The following TG variants were observed in gnomAD, a reference collection of about 807,000 sequenced individuals.
The protein encoded by TG is thyroglobulin, also known as thyroid hormones.
Under a neutral mutation model 324.7 loss-of-function variants are expected in TG, and 270 were observed. The ratio of observed to expected loss-of-function variants is 0.83; its 90% CI spans 0.75 to 0.92. TG has a LOEUF of 0.92. TG is among the 40% of genes least tolerant of loss of function. The pLI is 0.00. For missense variants in TG, 3,591 were observed against 3,456.4 expected (o/e 1.04, Z -0.98); for synonymous variants, 1,401 against 1,327.0 (o/e 1.06, Z -1.21).
At chr8:133,072,106 A>G (rs1436080712) in intron 41 of TG, among the ~76,000 whole-genome samples, 3 of 152,070 alleles carry the variant, frequency 2.0e-5, no homozygotes, top group African/African-American at 7.2e-5. Context: ...AAGTCTCCCA[A>G]CTTCACTCAC....
At chr8:133,020,080 T>G (rs1032014268) in intron 39 of TG, among the ~76,000 whole-genome samples, 7 of 152,136 alleles carry the variant, frequency 4.6e-5, no homozygotes, top group South Asian at 2.1e-4. Context: ...TGGAGAGAGA[T>G]ATATTTACCC....
At chr8:132,917,759 T>TG (rs35128090) in intron 20 of TG, among the ~76,000 whole-genome samples, 1 of 151,992 alleles carries the variant, frequency 6.6e-6, no homozygotes, top group Admixed American at 6.6e-5. Flanking sequence ...CTGTCAATGT[T>TG]GGGGGGTTTG....
chr8:132,988,598 G>A (rs528363310), intron 35 of TG: 6 of 513,328 alleles, frequency 1.2e-5, no homozygotes, highest in Middle Eastern at 9.9e-4. Flanking sequence ...TTATATCAAC[G>A]GTGTATAGTG....
chr8:132,869,200 C>T (rs1587155091), intron 2 of TG, among the ~76,000 whole-genome samples: 1 of 152,200 alleles, frequency 6.6e-6, no homozygotes, highest in East Asian at 1.9e-4. Flanking sequence ...GTTCCCTTTA[C>T]CTGGAATATC....
At chr8:132,904,855 C>T (rs1236955137) in intron 16 of TG, among the ~76,000 whole-genome samples, 1 of 152,184 alleles carries the variant, frequency 6.6e-6, no homozygotes, top group African/African-American at 2.4e-5. Flanking sequence ...CTCATTGACA[C>T]CCCACTTCTT....
At chr8:132,896,063 A>C (rs769321731) in intron 11 of TG, among the ~76,000 whole-genome samples, 2 of 152,248 alleles carry the variant, frequency 1.3e-5, no homozygotes, top group Non-Finnish European at 2.9e-5. Flanking sequence ...CTGAGGGCCT[A>C]ATGAGCGTGG....
intron 41 of TG, among the ~76,000 whole-genome samples, chr8:133,064,403 C>T (rs1842790905): frequency 6.6e-6 from 1 of 152,228 alleles, no homozygotes; most frequent in Non-Finnish European, 1.5e-5. Flanking sequence ...GTGAGGCAAT[C>T]TGCAGATATT....
At chr8:132,962,214 G>C (rs1320969777) in intron 28 of TG, among the ~76,000 whole-genome samples, 2 of 152,104 alleles carry the variant, frequency 1.3e-5, no homozygotes, top group African/African-American at 4.8e-5. Flanking sequence ...TCATTTTAAA[G>C]AGATAAAATG....
At chr8:132,882,437 C>T in intron 6 of TG, 32 bp from the exon 7 acceptor site, 1 of 1,613,942 alleles carries the variant, frequency 6.2e-7, no homozygotes, top group Non-Finnish European at 8.5e-7. Flanking sequence ...CTGAATGAGA[C>T]CATCTCTGAA....
At chr8:132,981,782 A>G (rs538865087) in intron 34 of TG, among the ~76,000 whole-genome samples, 180 of 152,258 alleles carry the variant, frequency 1.2e-3, no homozygotes, top group African/African-American at 4.1e-3. Flanking sequence ...AAGTCTGCCA[A>G]AGTTTGAGAT....
At chr8:132,925,516 C>CGTGCGTGTGTGTGTGTGTGT (rs1554670096) in intron 22 of TG, among the ~76,000 whole-genome samples, 3 of 144,732 alleles carry the variant, frequency 2.1e-5, no homozygotes, top group African/African-American at 7.7e-5. Context: ...CTAAGGAGTG[C>CGTGCGTGTGTGTGTGTGTGT]GTGTGTGTGT....
At position 132,886,513 on chromosome 8, in the gene TG, G is replaced by A; in HGVS notation, c.1141G>A (p.Gly381Ser). 6.2e-7 allele frequency: 1 copy of A among 1,614,160 alleles called. No homozygotes were observed. ...GTCCAGACTCTACTTTGGGACCTCA[G>A]GCTACTTCAGCCAGCACGACCTGTT... ...ALSRLYFGTS[G>S]YFSQHDLFSS... Residue 381 changes from glycine (G) to serine (S), a missense_variant, in exon 9 of 48, where the codon GGC becomes AGC. By Grantham distance (56) the Gly-to-Ser change is moderately conservative. Coordinates refer to ENST00000220616, the MANE Select transcript of TG (RefSeq NM_003235.5).
intron 40 of TG, among the ~76,000 whole-genome samples, chr8:133,023,549 T>C (rs893492609): frequency 7.2e-5 from 11 of 152,182 alleles, no homozygotes; most frequent in African/African-American, 2.7e-4. Context: ...TATTCACGTG[T>C]GAGTTTATTT....
intron 43 of TG, among the ~76,000 whole-genome samples, chr8:133,103,358 T>C (rs1849500501): frequency 6.6e-6 from 1 of 152,086 alleles, no homozygotes; most frequent in Non-Finnish European, 1.5e-5. Flanking sequence ...CCTTGCACAC[T>C]GTAAACCCTC....
At chr8:132,913,942 C>T (rs934127768) in intron 20 of TG, among the ~76,000 whole-genome samples, 5 of 152,208 alleles carry the variant, frequency 3.3e-5, no homozygotes, top group Admixed American at 6.5e-5. Flanking sequence ...TCTGTTTCCT[C>T]ACCTTTTCCA....
At chr8:132,870,023 T>G (rs766278448) in intron 3 of TG, among the ~76,000 whole-genome samples, 197 bp downstream of exon 3, 1 of 152,104 alleles carries the variant, frequency 6.6e-6, no homozygotes, top group Non-Finnish European at 1.5e-5. Context: ...GTCCAGTCAT[T>G]TGTTCAATAA....
intron 11 of TG, among the ~76,000 whole-genome samples, chr8:132,896,862 A>G (rs78060847): frequency 6.6e-6 from 1 of 152,142 alleles, no homozygotes; most frequent in Non-Finnish European, 1.5e-5. Context: ...ACTATGTACT[A>G]TGTTGGTGGT....
chr8:133,005,066 T>C (rs1009827293), intron 35 of TG, among the ~76,000 whole-genome samples: 6 of 152,000 alleles, frequency 3.9e-5, no homozygotes, highest in Admixed American at 3.3e-4. Context: ...GGTGTACGAG[T>C]GAAAAGGAGC....
rs1323186364 is a variant in TG at position 132,888,448 on chromosome 8, G to T, written c.2641G>T (p.Gly881Trp). 1 of 1,612,346 alleles carries T rather than the reference G, an allele frequency of 6.2e-7. No homozygotes were observed. Among genetic ancestry groups the T allele is most frequent in the Non-Finnish European group, 8.5e-7 (1 of 1,178,796 alleles). ...AAATGGCCAACTCAGCCAATACCCG[G>T]GGTCCTACTCAGACTTCAGCACTCC... is the stretch of plus-strand genomic sequence containing the variant. The part of the protein sequence containing the change: ...ILNGQLSQYP[G>W]SYSDFSTPLA... The change falls in exon 10 of 48, where the codon GGG (glycine) becomes TGG (tryptophan). Residue 881 changes from glycine (G) to tryptophan (W), a missense_variant. Physicochemically the swap from Gly to Trp is radical, Grantham distance 184. Transcript: ENST00000220616.
Sources: gnomAD v4.1 joint callset for allele counts (sites outside exome capture counted in the v4.1 genomes callset) on GRCh38, gnomAD v4.1.1 for gene constraint, MANE v1.5 for transcripts, NCBI Gene and HGNC (gene_info 2026-07-23, HGNC 2026-07-21) for gene names.